CEP55: variants seen among roughly 807,000 people sequenced by gnomAD.
CEP55 encodes centrosomal protein 55, also known as centrosomal protein of 55 kDa.
Under a neutral mutation model 63.2 loss-of-function variants are expected in CEP55, and 57 were observed. That is an observed-to-expected ratio of 0.90 (90% CI 0.73 to 1.13). The LOEUF is 1.13. Ranked by LOEUF, CEP55 falls within the 50% of genes most tolerant of loss-of-function variation. The pLI is 0.00. For synonymous variants in CEP55, 178 were observed against 191.6 expected (o/e 0.93, Z 0.59); for missense variants, 456 against 518.9 (o/e 0.88, Z 1.18).
At chr10:93,498,119 C>T (rs1018332966) in intron 1 of CEP55, among the ~76,000 whole-genome samples, 7 of 149,656 alleles carry the variant, frequency 4.7e-5, no homozygotes, top group Non-Finnish European at 8.9e-5. Flanking sequence ...GAGACTCTGC[C>T]GCCCCTAACG....
In CEP55 at chr10:93,503,253, G is replaced by T. The variant is rs767470856; in HGVS notation, c.324G>T (p.Thr108=). Reference sequence around the variant, plus strand: ...TGCTTGAACAGCTGGAAGAGACAACGAGAGAAGGAGAAAGGAGGGAGCAGG... The same window carrying T: ...TGCTTGAACAGCTGGAAGAGACAACTAGAGAAGGAGAAAGGAGGGAGCAGG... ...TTLLEQLEET[T]REGERREQVL... is the part of the protein sequence containing the mutation. Residue 108 remains threonine, a synonymous_variant, in exon 3 of 9, where the codon ACG becomes ACT. Transcript: ENST00000371485. 6.2e-7 allele frequency: 1 copy of T among 1,614,102 alleles called. No individual in the cohort carries two copies. Among genetic ancestry groups the T allele is most frequent in the African/African-American group, 1.3e-5 (1 of 75,034 alleles).
chr10:93,501,964 A>G (rs779214425), intron 2 of CEP55, among the ~76,000 whole-genome samples: 6 of 152,218 alleles, frequency 3.9e-5, no homozygotes, highest in Non-Finnish European at 7.3e-5. Context: ...TAAACTTCCT[A>G]TAACTTCTAC....
intron 4 of CEP55, among the ~76,000 whole-genome samples, chr10:93,509,151 A>G (rs2057717440): frequency 6.6e-6 from 1 of 152,154 alleles, no homozygotes; most frequent in South Asian, 2.1e-4. Flanking sequence ...ATATCACCTG[A>G]GGGTATTTTT....
At chr10:93,521,016 A>G (rs922683736) in intron 8 of CEP55, among the ~76,000 whole-genome samples, 37 of 152,298 alleles carry the variant, frequency 2.4e-4, no homozygotes, top group African/African-American at 8.2e-4. Context: ...GCTCCAGTCT[A>G]CAGCTCCCAG....
At chr10:93,503,047 G>A (rs968451925) in intron 2 of CEP55, 66 bp from the exon 3 acceptor site, 10 of 1,369,032 alleles carry the variant, frequency 7.3e-6, no homozygotes, top group African/African-American at 1.4e-5. Flanking sequence ...GCTTGTTGAA[G>A]TATATATTGT....
chr10:93,500,085 A>G lies in CEP55; in HGVS notation c.34A>G (p.Ser12Gly), dbSNP rs772339514. The part of the protein sequence containing the change: ...SSRSTKDLIK[S>G]KWGSKPSNSK... ...CAGAAGTACCAAAGATTTAATTAAA[A>G]GTAAGTGGGGATCGAAGCCTAGTAA... The change falls in exon 2 of 9, where the codon AGT (serine) becomes GGT (glycine). Residue 12 changes from serine (S) to glycine (G), a missense_variant. By Grantham distance (56) the Ser-to-Gly change is moderately conservative. Coordinates refer to ENST00000371485, the MANE Select transcript of CEP55 (RefSeq NM_018131.5). 4 of 1,610,816 alleles carry G rather than the reference A, an allele frequency of 2.5e-6. No individual in the cohort carries two copies. The highest frequency in any genetic ancestry group is 3.4e-6 in the Non-Finnish European group (4 of 1,179,034).
chr10:93,500,337 T>C (rs1433351346), intron 2 of CEP55, 103 bp downstream of exon 2: 4 of 979,512 alleles, frequency 4.1e-6, no homozygotes, highest in African/African-American at 3.3e-5. Context: ...CCCTGTCTTG[T>C]CCAGTTGATT....
Position 93,529,009 on chromosome 10 carries a change from C to G in CEP55, c.*856C>G, listed in dbSNP as rs1482432731. ...ATACATGCTTTTTGTAAACCAAAAA[C>G]TTTTAAATTTCTTCAGGTTTTCTAA... On this transcript the variant is annotated 3_prime_UTR_variant, in exon 9 of 9. Transcript: ENST00000371485. 1 of 152,082 alleles carries G rather than the reference C, an allele frequency of 6.6e-6. No individual in the cohort carries two copies. Among genetic ancestry groups the G allele is most frequent in the East Asian group, 1.9e-4 (1 of 5,194 alleles). The allele number at this position is 152,082 out of a possible 1,614,324, so 9.4% of individuals were successfully genotyped here.
intron 1 of CEP55, among the ~76,000 whole-genome samples, chr10:93,499,679 G>T (rs915997770): frequency 6.6e-6 from 1 of 151,858 alleles, no homozygotes; most frequent in Non-Finnish European, 1.5e-5. Context: ...CTGCCACCAC[G>T]CCTGGCTAAG....
Position 93,516,991 on chromosome 10 carries a change from A to G in CEP55, c.736A>G (p.Lys246Glu). 1 of 1,604,002 alleles carries G rather than the reference A, an allele frequency of 6.2e-7. No individual in the cohort carries two copies. Among genetic ancestry groups the G allele is most frequent in the Non-Finnish European group, 8.5e-7 (1 of 1,172,988 alleles). Residue 246 changes from lysine (K) to glutamate (E), a missense_variant, in exon 6 of 9, where the codon AAA becomes GAA. By Grantham distance (56) the Lys-to-Glu change is moderately conservative. Transcript: ENST00000371485. ...CAACGATCTCTTGGCAAGTGCAAAA[A>G]AAGATCTTGAGGTTGAACGACAAAC... ...CYNDLLASAKKDLEVERQTIT... is the reference protein window; with the variant it reads ...CYNDLLASAKEDLEVERQTIT...
intron 4 of CEP55, among the ~76,000 whole-genome samples, chr10:93,508,344 G>A (rs2057709565): frequency 6.6e-6 from 1 of 152,094 alleles, no homozygotes; most frequent in Admixed American, 6.5e-5. Context: ...CCTGATATAA[G>A]CATGTTCTTA....
intron 5 of CEP55, among the ~76,000 whole-genome samples, chr10:93,516,285 T>C (rs577140823): frequency 1.4e-3 from 212 of 152,300 alleles, no homozygotes; most frequent in African/African-American, 4.6e-3. Flanking sequence ...AGAATCATAT[T>C]TGAATACTTA....
At position 93,515,498 on chromosome 10, in the gene CEP55, A is replaced by C; in HGVS notation, c.622A>C (p.Lys208Gln). The C allele has an allele frequency of 6.2e-7, 1 of 1,613,934 alleles. No individual in the cohort carries two copies. The highest frequency in any genetic ancestry group is 8.5e-7 in the Non-Finnish European group (1 of 1,179,812). The change falls in exon 5 of 9, where the codon AAA (lysine) becomes CAA (glutamine). Residue 208 changes from lysine to glutamine, a missense_variant. Lys to Gln is a moderately conservative substitution (Grantham distance 53, BLOSUM62 1). Transcript: ENST00000371485. Reference sequence around the variant, plus strand: ...AGCAAAGATCTTTGAGTTGGAAAAGAAAACGGAAACAGCTGCTCATTCACT... The same window carrying C: ...AGCAAAGATCTTTGAGTTGGAAAAGCAAACGGAAACAGCTGCTCATTCACT... ...LLAKIFELEK[K>Q]TETAAHSLPQ...
chr10:93,509,716 C>T (rs2057725180), intron 4 of CEP55, among the ~76,000 whole-genome samples: 1 of 152,148 alleles, frequency 6.6e-6, no homozygotes, highest in South Asian at 2.1e-4. Flanking sequence ...CAACTCCTGA[C>T]CTCAGATGAC....
At chr10:93,504,339 G>A (rs954588773) in intron 3 of CEP55, among the ~76,000 whole-genome samples, 6 of 152,006 alleles carry the variant, frequency 3.9e-5, no homozygotes, top group Non-Finnish European at 8.8e-5. Flanking sequence ...CGAGTGTGAC[G>A]GCACGCATCT....
intron 4 of CEP55, among the ~76,000 whole-genome samples, chr10:93,509,421 A>AGCTGCT (rs375395533): frequency 6.6e-6 from 1 of 151,446 alleles, no homozygotes; most frequent in Non-Finnish European, 1.5e-5. Context: ...GTAAACTCCT[A>AGCTGCT]GCTGCTGCTG....
chr10:93,500,208 G>A lies in CEP55; in HGVS notation c.157G>A (p.Asp53Asn). Residue 53 changes from aspartate (D) to asparagine (N), a missense_variant, in exon 2 of 9, where the codon GAT becomes AAT. Physicochemically the swap from Asp to Asn is conservative, Grantham distance 23. Transcript: ENST00000371485. ...EITSGKGKLTDKERHRLLEKI... is the reference protein window; with the variant it reads ...EITSGKGKLTNKERHRLLEKI... Reference sequence around the variant, plus strand: ...CACAAGTGGGAAAGGAAAGCTGACTGATAAAGAGAGACACAGACTTTTGGA... The same window carrying A: ...CACAAGTGGGAAAGGAAAGCTGACTAATAAAGAGAGACACAGACTTTTGGA... 1 of 1,612,366 alleles carries A rather than the reference G, an allele frequency of 6.2e-7. No individual in the cohort carries two copies. Among genetic ancestry groups the A allele is most frequent in the Non-Finnish European group, 8.5e-7 (1 of 1,179,540 alleles).
In CEP55 at chr10:93,500,700, G is replaced by T. The variant is rs543321823; in HGVS notation, c.183+466G>T. On this transcript the variant is annotated intron_variant, in intron 2 of 8. Transcript: ENST00000371485. ...GTATTTAAGATTGTGAAACATTCTG[G>T]CTAACTATTTTCGCTATTTTTAAAT... Among the ~76,000 whole-genome samples, 3 of 151,694 alleles carry T rather than the reference G, an allele frequency of 2.0e-5. No individual in the cohort carries two copies. In the East Asian group the frequency reaches 5.8e-4, roughly 29 times the overall value.
At chr10:93,527,819 T>C (rs1004319188) in intron 8 of CEP55, 131 bp from the exon 9 acceptor site, 9 of 720,776 alleles carry the variant, frequency 1.2e-5, no homozygotes, top group African/African-American at 9.0e-5. Flanking sequence ...AGGTCGAGGC[T>C]GCAGTGAGCC....
Sources: allele counts gnomAD v4.1 joint callset (sites outside exome capture counted in the v4.1 genomes callset), GRCh38; gene constraint gnomAD v4.1.1; transcripts MANE v1.5; gene names NCBI Gene and HGNC (gene_info 2026-07-23, HGNC 2026-07-21).